DAB1: variants seen among roughly 807,000 people sequenced by gnomAD.
DAB1 encodes the protein disabled homolog 1.
DAB1 carries 15 observed loss-of-function variants against 64.6 expected under a neutral mutation model. That is an observed-to-expected ratio of 0.23 (90% confidence interval 0.16 to 0.36). The LOEUF (loss-of-function observed/expected upper bound fraction) is 0.36. Ranked by LOEUF, DAB1 falls within the 10% of genes least tolerant of loss-of-function variation. DAB1 has a pLI of 1.00. For synonymous variants in DAB1, 235 were observed against 251.9 expected (o/e 0.93, Z 0.64); for missense variants, 596 against 706.7 (o/e 0.84, Z 1.78).
chr1:57,835,764 C>T (rs904496134), intron 1 of DAB1, among the ~76,000 whole-genome samples: 6 of 152,192 alleles, frequency 3.9e-5, no homozygotes, highest in Non-Finnish European at 7.3e-5. Flanking sequence ...ATTTGCTCCT[C>T]CTGAAGCCTG....
At chr1:57,117,032 G>A (rs1656198968) in intron 4 of DAB1, among the ~76,000 whole-genome samples, 1 of 152,158 alleles carries the variant, frequency 6.6e-6, no homozygotes, top group Non-Finnish European at 1.5e-5. Context: ...CTTCTAATTT[G>A]TACCTACATG....
intron 2 of DAB1, among the ~76,000 whole-genome samples, chr1:57,235,716 A>AAAT (rs1557996127): frequency 6.6e-6 from 1 of 151,784 alleles, no homozygotes; most frequent in Non-Finnish European, 1.5e-5. Context: ...TTAAAAAAGA[A>AAAT]AAAAAAACAA....
chr1:58,237,136 T>C (rs967104270), intron 4 of DAB1, among the ~76,000 whole-genome samples: 1 of 152,190 alleles, frequency 6.6e-6, no homozygotes, highest in Non-Finnish European at 1.5e-5. Context: ...GTAATGTTAA[T>C]GCAGGAGGAG....
At chr1:58,190,125 T>C (rs1657305399) in intron 4 of DAB1, among the ~76,000 whole-genome samples, 1 of 152,198 alleles carries the variant, frequency 6.6e-6, no homozygotes, top group Admixed American at 6.5e-5. Context: ...GATTTCCTGA[T>C]GATTTCCAGG....
intron 7 of DAB1, among the ~76,000 whole-genome samples, chr1:57,557,408 T>TTATA (rs370493002): frequency 2.0e-5 from 3 of 151,780 alleles, no homozygotes; most frequent in African/African-American, 7.2e-5. Flanking sequence ...AATAAATGGC[T>TTATA]TATATATATA....
rs77359236 is a variant in DAB1, at chr1:57,186,312, G to C, written c.68-40883C>G. Among the ~76,000 whole-genome samples, 90 of 152,290 alleles carry C rather than the reference G, an allele frequency of 5.9e-4. 1 individual carries two copies. The highest frequency in any genetic ancestry group is 2.1e-3 in the African/African-American group (86 of 41,576). ...ACCAACTCACAAAAACCCACATGTTGTGTCCAGCTCTCCACCACTTTGACA... is the reference window on the plus strand; with the variant it reads ...ACCAACTCACAAAAACCCACATGTTCTGTCCAGCTCTCCACCACTTTGACA... On this transcript the variant is annotated intron_variant, in intron 2 of 14. Transcript: ENST00000371236.
chr1:57,125,865 C>T (rs1431565302), intron 4 of DAB1, among the ~76,000 whole-genome samples: 1 of 152,078 alleles, frequency 6.6e-6, no homozygotes, highest in East Asian at 1.9e-4. Context: ...AGATGCCACC[C>T]ACAGCAATCA....
At chr1:57,743,020 T>G (rs1229017213) in intron 6 of DAB1, among the ~76,000 whole-genome samples, 1 of 152,194 alleles carries the variant, frequency 6.6e-6, no homozygotes, top group African/African-American at 2.4e-5. Context: ...TTATTGGTGA[T>G]GTAGAAACAA....
intron 4 of DAB1, among the ~76,000 whole-genome samples, chr1:57,117,092 C>T (rs1656205118): frequency 6.6e-6 from 1 of 152,118 alleles, no homozygotes; most frequent in South Asian, 2.1e-4. Flanking sequence ...TCCCTAGTCG[C>T]TCTCCAATTC....
intron 5 of DAB1, among the ~76,000 whole-genome samples, chr1:57,984,256 G>GA (rs113729930): frequency 1.6e-5 from 2 of 128,912 alleles, no homozygotes; most frequent in Non-Finnish European, 1.7e-5. Flanking sequence ...AAGAAAGAAA[G>GA]AAAGAAAAAA....
At chr1:58,173,233 A>C (rs370756138) in intron 4 of DAB1, among the ~76,000 whole-genome samples, 2 of 152,216 alleles carry the variant, frequency 1.3e-5, no homozygotes, top group East Asian at 3.9e-4. Flanking sequence ...GGGGTGGTTC[A>C]TGACAGAAGA....
At chr1:57,579,374 TG>T (rs1280698342) in intron 7 of DAB1, among the ~76,000 whole-genome samples, 1 of 152,164 alleles carries the variant, frequency 6.6e-6, no homozygotes, top group Non-Finnish European at 1.5e-5. Context: ...CTTCAGACCC[TG>T]GGAGTACAGG....
chr1:58,030,762 A>G (rs1012498835), intron 5 of DAB1, among the ~76,000 whole-genome samples: 7 of 152,172 alleles, frequency 4.6e-5, no homozygotes, highest in African/African-American at 1.4e-4. Context: ...CACATATGGA[A>G]ATAGGCTGCC....
At chr1:57,667,518 G>A (rs1646462248) in intron 6 of DAB1, among the ~76,000 whole-genome samples, 1 of 151,972 alleles carries the variant, frequency 6.6e-6, no homozygotes, top group East Asian at 1.9e-4. Context: ...TCTATGTTTT[G>A]TGTACTGCCA....
intron 6 of DAB1, among the ~76,000 whole-genome samples, chr1:57,766,622 G>A (rs924023804): frequency 6.6e-6 from 1 of 152,126 alleles, no homozygotes; most frequent in Non-Finnish European, 1.5e-5. Context: ...GGCACCAAAT[G>A]TATGGGTGTT....
At chr1:57,777,933 A>C (rs528413263) in intron 6 of DAB1, among the ~76,000 whole-genome samples, 137 of 152,218 alleles carry the variant, frequency 9.0e-4, no homozygotes, top group Non-Finnish European at 1.6e-3. Context: ...AGTTTCTTTC[A>C]GATCACCTTG....
rs1022270114 is a variant in DAB1 at position 57,292,099 on chromosome 1, T to C, written c.-136-933A>G. On this transcript the variant is annotated intron_variant, in intron 1 of 14. Coordinates refer to ENST00000371236, the MANE Select transcript of DAB1 (RefSeq NM_001365792.1). ...TTTGAAAAATATTAAGAAAAAGCTA[T>C]TAGAAATGGATCTTCGAATTGTGCA... 5.6e-4 allele frequency among the ~76,000 whole-genome samples: 86 copies of C among 152,314 alleles called. 1 individual carries two copies. The highest frequency in any genetic ancestry group is 2.5e-3 in the South Asian group (12 of 4,830).
In DAB1 at chr1:58,100,594, C is replaced by T. The variant is rs1469330166; in HGVS notation, n.387+49917G>A. Among the ~76,000 whole-genome samples the T allele has an allele frequency of 3.3e-5, 5 of 152,180 alleles. No individual in the cohort carries two copies. The East Asian group carries it at 9.6e-4, about 29-fold the overall frequency. ...GAGTATACACCCAGAAGTCAAATTG[C>T]TGGATTATGGTAATTCTATGTTTAA... On this transcript the variant is annotated intron_variant and non_coding_transcript_variant, in intron 5 of 20. Coordinates refer to the DAB1 transcript ENST00000485760.
At chr1:57,645,178 T>G (rs567421813) in intron 7 of DAB1, among the ~76,000 whole-genome samples, 1 of 152,292 alleles carries the variant, frequency 6.6e-6, no homozygotes, top group East Asian at 1.9e-4. Context: ...GTGGCCTACC[T>G]AACTGAAAAC....
Sources: allele counts gnomAD v4.1 joint callset (sites outside exome capture counted in the v4.1 genomes callset), GRCh38; gene constraint gnomAD v4.1.1; transcripts MANE v1.5; gene names NCBI Gene and HGNC (gene_info 2026-07-23, HGNC 2026-07-21).